BPTF: variants seen among roughly 807,000 people sequenced by gnomAD.
BPTF encodes bromodomain PHD finger transcription factor.
Under a neutral mutation model 292.5 loss-of-function variants are expected in BPTF, and 18 were observed. That is an observed-to-expected ratio of 0.06 (90% CI 0.04 to 0.09). The LOEUF is 0.09. BPTF is among the 10% of genes least tolerant of loss of function. The probability of loss-of-function intolerance (pLI) is 1.00; values close to 1 mark genes in which losing one functional copy is unlikely to be tolerated. For synonymous variants in BPTF, 1,225 were observed against 1,251.9 expected (o/e 0.98, Z 0.45); for missense variants, 2,726 against 3,498.7 (o/e 0.78, Z 5.57).
chr17:67,884,477 G>A (rs1388291501), intron 4 of BPTF, among the ~76,000 whole-genome samples: 1 of 151,318 alleles, frequency 6.6e-6, no homozygotes, highest in African/African-American at 2.4e-5. Flanking sequence ...GTGCAATGGC[G>A]CAATCACGGC....
rs1271877374 is a variant in BPTF at position 67,964,531 on chromosome 17, T to C, written c.8454+127T>C. 8 of 1,170,444 alleles carry C rather than the reference T, an allele frequency of 6.8e-6. No individual in the cohort carries two copies. The African/African-American group carries it at 9.3e-5, about 14-fold the overall frequency. 72.5% of individuals were successfully genotyped at this position (1,170,444 alleles called of 1,614,324 possible). The stretch of plus-strand genomic sequence containing the variant: ...CTGACTCCCAGCTAGTCTAGTGAAG[T>C]GCCTAACAAACTGCAGTCCTTCACG... On this transcript the variant is annotated intron_variant, in intron 25 of 27. Coordinates refer to ENST00000306378, the MANE Select transcript of BPTF (RefSeq NM_182641.4).
At chr17:67,909,147 T>C (rs2062463041) in intron 9 of BPTF, among the ~76,000 whole-genome samples, 1 of 151,548 alleles carries the variant, frequency 6.6e-6, no homozygotes, top group Non-Finnish European at 1.5e-5. Flanking sequence ...AGTATTAATG[T>C]TTATCTTGTA....
chr17:67,938,440 A>G (rs556910779), intron 18 of BPTF, among the ~76,000 whole-genome samples: 12 of 152,198 alleles, frequency 7.9e-5, no homozygotes, highest in African/African-American at 2.2e-4. Flanking sequence ...ATTTAGAAGA[A>G]AGAGTAATAA....
In BPTF at chr17:67,912,117, T is replaced by C; in HGVS notation, c.4233T>C (p.Asp1411=). 1 of 1,609,434 alleles carries C rather than the reference T, an allele frequency of 6.2e-7. No individual in the cohort carries two copies. Among genetic ancestry groups the C allele is most frequent in the Non-Finnish European group, 8.5e-7 (1 of 1,178,538 alleles). ...GTACATTTCAAATAAATGGAAAAGA[T>C]AATAAACCCAAAATATATTTGAAAG... The part of the protein sequence containing the change: ...RTSTFQINGK[D]NKPKIYLKGE... Residue 1411 remains aspartate, a synonymous_variant, in exon 11 of 28, where the codon GAT becomes GAC. Transcript: ENST00000306378.
intron 23 of BPTF, chr17:67,956,155 A>G (rs1334226349): frequency 2.0e-5 from 3 of 151,204 alleles, no homozygotes; most frequent in South Asian, 4.2e-4. Context: ...CGTCTCTACT[A>G]AAAATACAAA....
At chr17:67,829,427 T>A (rs2056442915) in intron 1 of BPTF, among the ~76,000 whole-genome samples, 1 of 152,052 alleles carries the variant, frequency 6.6e-6, no homozygotes, top group Non-Finnish European at 1.5e-5. Flanking sequence ...CCATGGTGGC[T>A]TGCTGCACTT....
intron 7 of BPTF, among the ~76,000 whole-genome samples, chr17:67,898,756 A>G (rs532432587): frequency 6.6e-6 from 1 of 151,742 alleles, no homozygotes; most frequent in African/African-American, 2.4e-5. Flanking sequence ...GGTGGAACAA[A>G]AAAGATACCC....
At position 67,968,038 on chromosome 17, in the gene BPTF, G is replaced by A. The variant is rs560123596; in HGVS notation, c.8539+1382G>A. On this transcript the variant is annotated intron_variant, in intron 26 of 27. Transcript: ENST00000306378. ...CTAGAGAGAATACCCTCATTTCCCA[G>A]AAAAAAAAATGGTAATAGGAGCCAC... Among the ~76,000 whole-genome samples, 90 of 142,556 alleles carry A rather than the reference G, an allele frequency of 6.3e-4. 1 individual carries two copies. Among genetic ancestry groups the A allele is most frequent in the South Asian group, 1.8e-3 (8 of 4,490 alleles). The allele number at this position is 142,556 out of a possible 152,430, so 93.5% of individuals were successfully genotyped here. A position where few individuals can be genotyped will look rare whatever the true frequency, so the allele number is the denominator to read the frequency against.
At position 67,911,065 on chromosome 17, in the gene BPTF, G is replaced by C; in HGVS notation, c.3181G>C (p.Asp1061His). The part of the protein sequence containing the change: ...YKKKTKSSKL[D>H]GLLERRIKQF... ...AAAGAAAACAAAATCATCCAAACTAGATGGACTTCTTGAAAGGAGAATTAA... is the reference window on the plus strand; with the variant it reads ...AAAGAAAACAAAATCATCCAAACTACATGGACTTCTTGAAAGGAGAATTAA... The change falls in exon 11 of 28, where the codon GAT becomes CAT. Residue 1061 changes from aspartate to histidine, a missense_variant. Around this residue, in one of 22 missense-constraint regions of BPTF, gnomAD observed 713 missense variants for 714.9 expected, o/e 1.00. Coordinates refer to ENST00000306378, the MANE Select transcript of BPTF (RefSeq NM_182641.4). 6.2e-7 allele frequency: 1 copy of C among 1,613,042 alleles called. No homozygotes were observed. Among genetic ancestry groups the C allele is most frequent in the Non-Finnish European group, 8.5e-7 (1 of 1,179,548 alleles).
intron 23 of BPTF, among the ~76,000 whole-genome samples, chr17:67,950,273 CAAA>C (rs1426880244): frequency 6.6e-6 from 1 of 150,906 alleles, no homozygotes; most frequent in Non-Finnish European, 1.5e-5. Context: ...CCCCCACCGC[CAAA>C]AAAAGAAGAT....
intron 2 of BPTF, among the ~76,000 whole-genome samples, chr17:67,857,148 A>ATTTTTTT (rs35727338): frequency 9.2e-5 from 9 of 97,636 alleles, no homozygotes; most frequent in South Asian, 8.4e-4. Flanking sequence ...GTCTTTAACA[A>ATTTTTTT]TTTTTTTTTT....
intron 24 of BPTF, among the ~76,000 whole-genome samples, chr17:67,961,181 C>A (rs1468472293): frequency 6.6e-6 from 1 of 152,214 alleles, no homozygotes; most frequent in African/African-American, 2.4e-5. Flanking sequence ...AAATTGATTT[C>A]ACACACAACT....
intron 1 of BPTF, among the ~76,000 whole-genome samples, chr17:67,846,851 T>C (rs1182168609): frequency 6.6e-6 from 1 of 152,040 alleles, no homozygotes; most frequent in Non-Finnish European, 1.5e-5. Flanking sequence ...CAGGCACACG[T>C]CACCACACCC....
At chr17:67,884,306 A>G (rs1481504045) in intron 4 of BPTF, among the ~76,000 whole-genome samples, 4 of 151,818 alleles carry the variant, frequency 2.6e-5, no homozygotes, top group Non-Finnish European at 4.4e-5. Flanking sequence ...GGGTTTCACC[A>G]TGTTGGCCAG....
chr17:67,896,391 G>C (rs61676547), intron 7 of BPTF, among the ~76,000 whole-genome samples: 51,484 of 151,888 alleles, frequency 0.34, 11,204 homozygotes, highest in East Asian at 0.68. Context: ...TTTGGAGAGG[G>C]TGGGAGGGGC....
At chr17:67,851,208 C>T (rs1040067580) in intron 1 of BPTF, among the ~76,000 whole-genome samples, 7 of 150,776 alleles carry the variant, frequency 4.6e-5, no homozygotes, top group Admixed American at 2.6e-4. Flanking sequence ...GGTCCAGTCA[C>T]AAGGGGCCTT....
chr17:67,835,468 C>T (rs1054590984), intron 1 of BPTF, among the ~76,000 whole-genome samples: 9 of 152,148 alleles, frequency 5.9e-5, no homozygotes, highest in African/African-American at 2.2e-4. Context: ...CTTGGGTAGC[C>T]CCAGCACTCT....
rs766482363 is a variant in BPTF at position 67,894,097 on chromosome 17, C to T, written c.2475C>T (p.Ala825=). Residue 825 remains alanine, a synonymous_variant, in exon 7 of 28, where the codon GCC becomes GCT. Coordinates refer to ENST00000306378, the MANE Select transcript of BPTF (RefSeq NM_182641.4). ...CCAGAGAATTTGCATTGGCTTTAGC[C>T]ATTTTGGAGTGTGCAGTTAAACCAG... ...SKPREFALAL[A]ILECAVKPVV... is the part of the protein sequence containing the mutation. 6.2e-6 allele frequency: 10 copies of T among 1,613,978 alleles called. No individual in the cohort carries two copies. The highest frequency in any genetic ancestry group is 1.3e-5 in the African/African-American group (1 of 74,936).
At chr17:67,975,597 A>T in intron 26 of BPTF, 175 bp from the exon 27 acceptor site, 1 of 531,822 alleles carries the variant, frequency 1.9e-6, no homozygotes, top group South Asian at 3.2e-5. Context: ...TCAGAAACAA[A>T]ATTGGAAAAG....
Sources: allele counts gnomAD v4.1 joint callset (sites outside exome capture counted in the v4.1 genomes callset), GRCh38; gene constraint gnomAD v4.1.1; regional missense constraint gnomAD v4.1.1; transcripts MANE v1.5; gene names NCBI Gene and HGNC (gene_info 2026-07-23, HGNC 2026-07-21).